The following WDR26 variants were observed in gnomAD, a reference collection of about 807,000 sequenced individuals.
WDR26 encodes the protein WD repeat domain 26, also known as WD repeat-containing protein 26.
WDR26 carries 5 observed loss-of-function variants against 84.1 expected under a neutral mutation model. The observed-to-expected ratio is 0.06, with a 90% CI of 0.03 to 0.13. The LOEUF (loss-of-function observed/expected upper bound fraction) is 0.13. Among genes scored for constraint, WDR26 ranks in the 10% least tolerant of loss-of-function variants. The pLI, the probability that WDR26 is intolerant of heterozygous loss-of-function variation, is 1.00. For missense variants in WDR26, 642 were observed against 974.9 expected (o/e 0.66, Z 4.55); for synonymous variants, 415 against 389.6 (o/e 1.07, Z -0.77).
rs1311408687 is a variant in WDR26, at chr1:224,434,307, G to A, written c.99C>T (p.Ala33=). Residue 33 remains alanine, a synonymous_variant, in exon 1 of 14, where the codon GCC becomes GCT. Coordinates refer to ENST00000414423, the MANE Select transcript of WDR26 (RefSeq NM_001379403.1). ...GCTCTCCTACTCCCTCCGCCGCCGA[G>A]GCTCGGGGTTTCTTCCGCGGGGGCG... The A allele has an allele frequency of 1.6e-6, 2 of 1,233,198 alleles. No homozygotes were observed. The highest frequency in any genetic ancestry group is 2.0e-6 in the Non-Finnish European group (2 of 989,038). 76.4% of individuals were successfully genotyped at this position (1,233,198 alleles called of 1,614,324 possible).
In WDR26 at chr1:224,434,608, CCCGGGGGTCGCG is replaced by C. The variant is rs1674553624; in HGVS notation, c.-215_-204del. ...CCCGGAGGCAGCTCGGGGTGCGCGG[CCCGGGGGTCGCG>C]CCGGGGGGCGCCGCGGGGCGGCTGC... On this transcript the variant is annotated 5_prime_UTR_variant, in exon 1 of 14. Coordinates refer to ENST00000414423, the MANE Select transcript of WDR26 (RefSeq NM_001379403.1). 3.7e-6 allele frequency: 2 copies of C among 534,508 alleles called. No homozygotes were observed. Among genetic ancestry groups the C allele is most frequent in the Non-Finnish European group, 4.7e-6 (2 of 421,206 alleles). The allele number at this position is 534,508 out of a possible 1,614,324, so 33.1% of individuals were successfully genotyped here.
intron 6 of WDR26, among the ~76,000 whole-genome samples, chr1:224,415,907 G>A (rs753936491): frequency 3.3e-5 from 5 of 152,206 alleles, no homozygotes; most frequent in African/African-American, 7.2e-5. Flanking sequence ...GAAGATATAG[G>A]CTGGAAAATA....
chr1:224,399,200 T>C (rs1453518867), intron 9 of WDR26, among the ~76,000 whole-genome samples, 166 bp from the exon 10 acceptor site: 1 of 152,196 alleles, frequency 6.6e-6, no homozygotes. Flanking sequence ...CCATGAAAAT[T>C]TGAATATAGT....
chr1:224,401,089 T>G lies in WDR26; in HGVS notation c.1600-20A>C, dbSNP rs529007553. 6.2e-7 allele frequency: 1 copy of G among 1,605,950 alleles called. No individual in the cohort carries two copies. The highest frequency in any genetic ancestry group is 8.5e-7 in the Non-Finnish European group (1 of 1,177,034). On this transcript the variant is annotated intron_variant, in intron 8 of 13. Transcript: ENST00000414423. The stretch of plus-strand genomic sequence containing the variant: ...TCCTGTCTATAAGGAAATAAAACTG[T>G]AAATGAGACCTTCAAGATACCCCTC...
At chr1:224,392,800 A>T (rs1441357143) in intron 13 of WDR26, among the ~76,000 whole-genome samples, 5 of 152,172 alleles carry the variant, frequency 3.3e-5, no homozygotes, top group Admixed American at 3.3e-4. Flanking sequence ...CCACAAAGAT[A>T]AAAGTGTAGG....
In WDR26 at chr1:224,434,204, C is replaced by CGGA. The variant is rs144531645; in HGVS notation, c.199_201dup (p.Ser67dup). On this transcript the variant is annotated inframe_insertion, in exon 1 of 14. Coordinates refer to ENST00000414423, the MANE Select transcript of WDR26 (RefSeq NM_001379403.1). The stretch of plus-strand genomic sequence containing the variant: ...GGGGGAAGTCCCACCACTACCACCA[C>CGGA]GGAGGAGGAGGAGGAGGAGGAGGAC... 243,025 of 1,341,780 alleles carry CGGA rather than the reference C, an allele frequency of 0.18. 15,816 individuals are homozygous for CGGA. The highest frequency in any genetic ancestry group is 0.33 in the African/African-American group (21,885 of 65,338). 83.1% of individuals were successfully genotyped at this position (1,341,780 alleles called of 1,614,324 possible).
intron 3 of WDR26, among the ~76,000 whole-genome samples, chr1:224,428,770 G>A (rs375956954): frequency 6.6e-6 from 1 of 151,820 alleles, no homozygotes; most frequent in South Asian, 2.1e-4. Flanking sequence ...GCCAGGCTTG[G>A]TGATGGACAC....
At position 224,387,283 on chromosome 1, in the gene WDR26, G is replaced by A. The variant is rs906390116; in HGVS notation, c.*2552C>T. 3 of 152,504 alleles carry A rather than the reference G, an allele frequency of 2.0e-5. No individual in the cohort carries two copies. The highest frequency in any genetic ancestry group is 2.9e-5 in the Non-Finnish European group (2 of 68,026). The allele number at this position is 152,504 out of a possible 1,614,324, so 9.4% of individuals were successfully genotyped here. A position where few individuals can be genotyped will look rare whatever the true frequency, so the allele number is the denominator to read the frequency against. On this transcript the variant is annotated 3_prime_UTR_variant, in exon 14 of 14. Coordinates refer to ENST00000414423, the MANE Select transcript of WDR26 (RefSeq NM_001379403.1). ...ATAGCTATGGATCAGAAAATCCTGC[G>A]ATCAGTTTCTCATACCATAAAATCC... is the stretch of plus-strand genomic sequence containing the variant.
At chr1:224,393,113 T>C (rs554289811) in intron 13 of WDR26, among the ~76,000 whole-genome samples, 1 of 152,216 alleles carries the variant, frequency 6.6e-6, no homozygotes, top group Non-Finnish European at 1.5e-5. Context: ...TTGGCCTTTC[T>C]TCATCCCCAA....
Position 224,433,627 on chromosome 1 carries a change from C to T in WDR26, c.722+57G>A, listed in dbSNP as rs979141157. The T allele has an allele frequency of 6.8e-6, 9 of 1,331,548 alleles. No homozygotes were observed. In the East Asian group the frequency reaches 1.8e-4, roughly 26 times the overall value. The allele number at this position is 1,331,548 out of a possible 1,614,324, so 82.5% of individuals were successfully genotyped here. A position where few individuals can be genotyped will look rare whatever the true frequency, so the allele number is the denominator to read the frequency against. On this transcript the variant is annotated intron_variant, in intron 1 of 13. Coordinates refer to ENST00000414423, the MANE Select transcript of WDR26 (RefSeq NM_001379403.1). ...CCCCCTCCGCCCCTTCCCCTACCCC[C>T]CTGGAGCCTCCGTCCCTCGGTCTGT...
rs558670033 is a variant in WDR26 at position 224,389,631 on chromosome 1, C to A, written c.*204G>T. On this transcript the variant is annotated 3_prime_UTR_variant, in exon 14 of 14. Coordinates refer to ENST00000414423, the MANE Select transcript of WDR26 (RefSeq NM_001379403.1). ...AATAATTCAACATGGTGTCCAACAA[C>A]GTTCTAACGACGTGCTTCATCTCAA... 8.1e-6 allele frequency: 5 copies of A among 618,712 alleles called. No individual in the cohort carries two copies. Among genetic ancestry groups the A allele is most frequent in the Non-Finnish European group, 1.4e-5 (5 of 353,544 alleles). The allele number at this position is 618,712 out of a possible 1,614,324, so 38.3% of individuals were successfully genotyped here. A position where few individuals can be genotyped will look rare whatever the true frequency, so the allele number is the denominator to read the frequency against.
At chr1:224,418,555 G>A in intron 5 of WDR26, 139 bp from the exon 6 acceptor site, 4 of 721,740 alleles carry the variant, frequency 5.5e-6, no homozygotes, top group East Asian at 5.9e-5. Flanking sequence ...TGCGTTATGC[G>A]ATACGTGAGC....
chr1:224,420,020 G>C (rs1338785864), intron 4 of WDR26, among the ~76,000 whole-genome samples: 2 of 152,148 alleles, frequency 1.3e-5, no homozygotes, highest in African/African-American at 4.8e-5. Flanking sequence ...GGCTAAGTAG[G>C]TATATAAACT....
At chr1:224,420,699 C>CA (rs897795616) in intron 4 of WDR26, among the ~76,000 whole-genome samples, 1 of 152,024 alleles carries the variant, frequency 6.6e-6, no homozygotes. Context: ...TTTAACTGAT[C>CA]AAAAAAACTT....
Position 224,398,407 on chromosome 1 carries a change from T to C in WDR26, c.1944+108A>G, listed in dbSNP as rs1003083449. 15 of 1,264,154 alleles carry C rather than the reference T, an allele frequency of 1.2e-5. No homozygotes were observed. In the African/African-American group the frequency reaches 2.0e-4, roughly 17 times the overall value. The allele number at this position is 1,264,154 out of a possible 1,614,324, so 78.3% of individuals were successfully genotyped here. A position where few individuals can be genotyped will look rare whatever the true frequency, so the allele number is the denominator to read the frequency against. On this transcript the variant is annotated intron_variant, in intron 11 of 13. Coordinates refer to ENST00000414423, the MANE Select transcript of WDR26 (RefSeq NM_001379403.1). Reference sequence around the variant, plus strand: ...TAAGGATCAATCACATGCAATCAAATTTAAGGGTAAGTAGAAAATTTTGTT... The same window carrying C: ...TAAGGATCAATCACATGCAATCAAACTTAAGGGTAAGTAGAAAATTTTGTT...
intron 6 of WDR26, among the ~76,000 whole-genome samples, chr1:224,413,979 T>C (rs1312147438): frequency 6.7e-6 from 1 of 148,396 alleles, no homozygotes; most frequent in African/African-American, 2.5e-5. Context: ...CTGGCTGATT[T>C]TTTTGTATTT....
chr1:224,392,488 A>G (rs1478483556), intron 13 of WDR26, among the ~76,000 whole-genome samples: 4 of 152,238 alleles, frequency 2.6e-5, no homozygotes, highest in African/African-American at 9.6e-5. Context: ...ATAAAATGAG[A>G]AAAGCACAGA....
intron 6 of WDR26, 62 bp from the exon 7 acceptor site, chr1:224,411,627 A>C: frequency 6.8e-7 from 1 of 1,477,220 alleles, no homozygotes; most frequent in Non-Finnish European, 9.0e-7. Flanking sequence ...ATAATAAAAA[A>C]GGTTAAATAA....
chr1:224,412,333 GATTTAA>G (rs1380402758), intron 6 of WDR26, among the ~76,000 whole-genome samples: 1 of 152,154 alleles, frequency 6.6e-6, no homozygotes, highest in South Asian at 2.1e-4. Context: ...GACAGACTTA[GATTTAA>G]ATCTTGGCTC....
Sources: allele counts gnomAD v4.1 joint callset (sites outside exome capture counted in the v4.1 genomes callset), GRCh38; gene constraint gnomAD v4.1.1; transcripts MANE v1.5; gene names NCBI Gene and HGNC (gene_info 2026-07-23, HGNC 2026-07-21).